Variants in KLHL13 observed in about 807,000 individuals in gnomAD.
KLHL13 encodes kelch like family member 13.
A neutral mutation model predicts 37.1 loss-of-function variants in KLHL13; 10 were observed. The observed-to-expected ratio is 0.27, with a 90% CI of 0.17 to 0.46. The LOEUF is 0.46. KLHL13 is among the 20% of genes least tolerant of loss of function. The pLI is 1.00. For missense variants in KLHL13, 360 were observed against 509.3 expected (o/e 0.71, Z 2.82); for synonymous variants, 163 against 181.2 (o/e 0.90, Z 0.81).
chrX:118,089,754 C>A (rs891980113), intron 1 of KLHL13, among the ~76,000 whole-genome samples: 3 of 110,283 alleles, frequency 2.7e-5, no homozygotes, highest in Non-Finnish European at 3.8e-5. Flanking sequence ...TTTGCCATAC[C>A]AAGAACCAGG....
intron 1 of KLHL13, among the ~76,000 whole-genome samples, chrX:118,069,835 T>C (rs1321807959): frequency 8.9e-6 from 1 of 112,155 alleles, no homozygotes; most frequent in African/African-American, 3.2e-5. Context: ...AAGTCTATAG[T>C]AGTGTACAAT....
At chrX:118,075,583 A>C (rs1306984369) in intron 1 of KLHL13, among the ~76,000 whole-genome samples, 1 of 111,606 alleles carries the variant, frequency 9.0e-6, no homozygotes, top group Non-Finnish European at 1.9e-5. Flanking sequence ...TAAAGACTAA[A>C]GCTCAGGTTT....
At position 117,930,594 on chromosome X, in the gene KLHL13, A is replaced by T. The variant is rs1384490196; in HGVS notation, c.241-10224T>A. ...CTCTCTATCACTTCGACACTAGCAAATAACCAAAAATACTCAATTGAGAGA... is the reference window on the plus strand; with the variant it reads ...CTCTCTATCACTTCGACACTAGCAATTAACCAAAAATACTCAATTGAGAGA... On this transcript the variant is annotated intron_variant, in intron 2 of 6. Transcript: ENST00000262820. Among the ~76,000 whole-genome samples the T allele has an allele frequency of 9.8e-5, 11 of 111,831 alleles. No individual in the cohort carries two copies. The Admixed American group carries it at 1.0e-3, about 11-fold the overall frequency.
At chrX:117,934,267 C>A (rs1166516157) in intron 2 of KLHL13, among the ~76,000 whole-genome samples, 1 of 110,721 alleles carries the variant, frequency 9.0e-6, no homozygotes, top group Non-Finnish European at 1.9e-5. Flanking sequence ...AATTTGCACA[C>A]ATCCCCCTGA....
intron 1 of KLHL13, among the ~76,000 whole-genome samples, chrX:118,021,341 C>G (rs747008959): frequency 3.1e-4 from 32 of 104,810 alleles, no homozygotes; most frequent in African/African-American, 1.1e-3. Context: ...CTGCACCCAT[C>G]AACTCGTCAT....
chrX:117,948,839 G>A (rs1007323260), intron 1 of KLHL13, among the ~76,000 whole-genome samples: 54 of 111,676 alleles, frequency 4.8e-4, no homozygotes, highest in African/African-American at 1.7e-3. Context: ...CTACTTTTTT[G>A]ATGAGTATTA....
chrX:118,043,121 T>C (rs1469637835), intron 1 of KLHL13, among the ~76,000 whole-genome samples: 2 of 111,019 alleles, frequency 1.8e-5, no homozygotes, highest in Non-Finnish European at 3.8e-5. Context: ...TACATGACAA[T>C]AAATTGGAAA....
At chrX:117,956,075 C>A (rs2053200404) in intron 1 of KLHL13, among the ~76,000 whole-genome samples, 1 of 111,376 alleles carries the variant, frequency 9.0e-6, no homozygotes, top group African/African-American at 3.3e-5. Context: ...ATATTCCAGT[C>A]CATATCACAG....
At chrX:118,033,135 G>T (rs186336840) in intron 1 of KLHL13, among the ~76,000 whole-genome samples, 2 of 111,146 alleles carry the variant, frequency 1.8e-5, no homozygotes, top group South Asian at 7.7e-4. Context: ...TGAAAGTGAG[G>T]GGGGGGAATG....
chrX:118,111,252 T>C (rs2055406451), intron 1 of KLHL13, among the ~76,000 whole-genome samples: 2 of 112,577 alleles, frequency 1.8e-5, no homozygotes, highest in African/African-American at 6.4e-5. Context: ...TGTTATGTAA[T>C]ACACCATTAG....
intron 2 of KLHL13, 130 bp from the exon 4 acceptor site, chrX:117,920,500 A>C: frequency 1.5e-6 from 1 of 645,178 alleles, no homozygotes; most frequent in Non-Finnish European, 2.3e-6. Context: ...AATATTCGGG[A>C]GAAGAAAAAA....
intron 1 of KLHL13, among the ~76,000 whole-genome samples, chrX:118,047,479 T>C (rs1047389534): frequency 1.8e-5 from 2 of 111,954 alleles, no homozygotes; most frequent in East Asian, 5.6e-4. Flanking sequence ...GTGAAAACAA[T>C]AACATATAAT....
intron 1 of KLHL13, among the ~76,000 whole-genome samples, chrX:118,079,953 A>G (rs760211691): frequency 1.8e-5 from 2 of 111,521 alleles, no homozygotes; most frequent in Non-Finnish European, 3.8e-5. Flanking sequence ...ATGGAACAGA[A>G]CAGAAAACTC....
chrX:117,945,121 T>C (rs2086432415), intron 2 of KLHL13, among the ~76,000 whole-genome samples: 2 of 111,942 alleles, frequency 1.8e-5, no homozygotes, highest in Non-Finnish European at 3.8e-5. Flanking sequence ...AGTGGCATAC[T>C]GGCAAAATGT....
chrX:117,990,874 C>G (rs2053780440), intron 1 of KLHL13, among the ~76,000 whole-genome samples: 1 of 111,525 alleles, frequency 9.0e-6, no homozygotes, highest in African/African-American at 3.3e-5. Context: ...CCTTTCTCAC[C>G]CCATTTTCTG....
intron 1 of KLHL13, among the ~76,000 whole-genome samples, chrX:117,991,366 G>C (rs2053788391): frequency 9.0e-6 from 1 of 110,522 alleles, no homozygotes; most frequent in Non-Finnish European, 1.9e-5. Flanking sequence ...CCAGAACCAT[G>C]AAAAATGGTA....
rs1056625392 is a variant in KLHL13 at position 118,028,317 on chromosome X, T to C, written c.-55-82742A>G. On this transcript the variant is annotated intron_variant, in intron 1 of 6. Transcript: ENST00000371882. ...TTCTCTAACTCATTCATACAGTAAA[T>C]ACTTACTTTATACCAAGTATTCAAC... 54 of 480,296 alleles carry C rather than the reference T, an allele frequency of 1.1e-4. No homozygotes were observed. In the Middle Eastern group the frequency reaches 1.7e-3, roughly 15 times the overall value. The allele number at this position is 480,296 out of a possible 1,213,427, so 39.6% of individuals were successfully genotyped here. A position where few individuals can be genotyped will look rare whatever the true frequency, so the allele number is the denominator to read the frequency against.
At chrX:118,036,165 T>C (rs754600082) in intron 1 of KLHL13, among the ~76,000 whole-genome samples, 176 of 102,113 alleles carry the variant, frequency 1.7e-3, no homozygotes, top group African/African-American at 5.3e-3. Flanking sequence ...ATGGCCATAC[T>C]GCCCAAGGTA....
At chrX:117,974,669 A>C (rs976629817), upstream of KLHL13, among the ~76,000 whole-genome samples, 1 of 112,014 alleles carries the variant, frequency 8.9e-6, no homozygotes, top group Admixed American at 9.5e-5. Context: ...CAAGGCAAAA[A>C]GACAAACTAC....
Sources: gnomAD v4.1 joint callset for allele counts (sites outside exome capture counted in the v4.1 genomes callset) on GRCh38, gnomAD v4.1.1 for gene constraint, MANE v1.5 for transcripts, NCBI Gene and HGNC (gene_info 2026-07-23, HGNC 2026-07-21) for gene names.